The following CFAP58 variants were observed in gnomAD, a reference collection of about 807,000 sequenced individuals.
CFAP58 encodes the protein cilia- and flagella-associated protein 58.
CFAP58 carries 88 observed loss-of-function variants against 119.5 expected under a neutral mutation model. That is an observed-to-expected ratio of 0.74 (90% confidence interval 0.62 to 0.88). The LOEUF (loss-of-function observed/expected upper bound fraction) is 0.88. CFAP58 is among the 40% of genes least tolerant of loss of function. The pLI is 0.00. For synonymous variants in CFAP58, 365 were observed against 366.3 expected (o/e 1.00, Z 0.04); for missense variants, 990 against 1,021.2 (o/e 0.97, Z 0.42).
chr10:104,389,156 G>A (rs2011984189), intron 9 of CFAP58, among the ~76,000 whole-genome samples: 1 of 152,086 alleles, frequency 6.6e-6, no homozygotes, highest in Non-Finnish European at 1.5e-5. Context: ...ACTTTGGCCT[G>A]AATGATTTCC....
chr10:104,442,512 C>T (rs773593347), intron 15 of CFAP58, among the ~76,000 whole-genome samples: 14 of 150,458 alleles, frequency 9.3e-5, no homozygotes, highest in African/African-American at 2.0e-4. Context: ...CTCTTGAACC[C>T]GCGAGGTGGA....
rs150870458 is a variant in CFAP58, at chr10:104,420,854, G to A, written c.2256+14061G>A. On this transcript the variant is annotated intron_variant, in intron 15 of 17. Coordinates refer to ENST00000369704, the MANE Select transcript of CFAP58 (RefSeq NM_001008723.2). ...TGCAGCCTCAAGTTCCTGGGCTCAG[G>A]TGATCCTCCCACCTCAGCCTCCTGA... Among the ~76,000 whole-genome samples the A allele has an allele frequency of 1.4e-3, 218 of 151,286 alleles. 4 individuals are homozygous for A. In the East Asian group the frequency reaches 0.035, roughly 24 times the overall value.
At chr10:104,348,664 G>T in the CFAP58 span, among the ~76,000 whole-genome samples, 1 of 152,186 alleles carries the variant, frequency 6.6e-6, no homozygotes, top group Non-Finnish European at 1.5e-5. Context: ...GCCTAAAGCA[G>T]GATTTTTGGA....
rs763853481 is a variant in CFAP58 at position 104,454,442 on chromosome 10, T to G, written c.2531T>G (p.Met844Arg). The G allele has an allele frequency of 1.2e-6, 2 of 1,613,492 alleles. No homozygotes were observed. The highest frequency in any genetic ancestry group is 1.7e-6 in the Non-Finnish European group (2 of 1,179,666). The change falls in exon 18 of 18, where the codon ATG becomes AGG. Residue 844 changes from methionine to arginine, a missense_variant. Coordinates refer to ENST00000369704, the MANE Select transcript of CFAP58 (RefSeq NM_001008723.2). ...QLQKNKDTAP[M>R]DNTFLMVKPN... ...TACAGAAACAAGGACACAGCACCCATGGATAACACCTTCTTAATGGTCAAA... is the reference window on the plus strand; with the variant it reads ...TACAGAAACAAGGACACAGCACCCAGGGATAACACCTTCTTAATGGTCAAA...
chr10:104,394,985 ATC>A (rs1564890557), intron 11 of CFAP58, among the ~76,000 whole-genome samples: 2 of 152,184 alleles, frequency 1.3e-5, no homozygotes, highest in East Asian at 3.9e-4. Flanking sequence ...TTGGTGCATC[ATC>A]TCTTTCCCTT....
intron 15 of CFAP58, among the ~76,000 whole-genome samples, chr10:104,429,670 A>G (rs2012811161): frequency 6.6e-6 from 1 of 152,154 alleles, no homozygotes; most frequent in Admixed American, 6.5e-5. Context: ...TCTCACCCAA[A>G]TTCGCTTTCT....
At chr10:104,370,123 G>A (rs1485798518) in intron 6 of CFAP58, among the ~76,000 whole-genome samples, 4 of 152,170 alleles carry the variant, frequency 2.6e-5, no homozygotes, top group Non-Finnish European at 4.4e-5. Context: ...GTCCAAAAGA[G>A]TGTTTGAATA....
Position 104,358,610 on chromosome 10 carries a change from A to T in CFAP58, c.279A>T (p.Ala93=), listed in dbSNP as rs1443598656. 6 of 1,609,304 alleles carry T rather than the reference A, an allele frequency of 3.7e-6. No homozygotes were observed. The highest frequency in any genetic ancestry group is 4.2e-6 in the Non-Finnish European group (5 of 1,177,066). ...CTCAGGATGATCAGACCACCATTGCATCCCTAAAGAAGGTCAGTGATCTTC... is the reference window on the plus strand; with the variant it reads ...CTCAGGATGATCAGACCACCATTGCTTCCCTAAAGAAGGTCAGTGATCTTC... The part of the protein sequence containing the change: ...KLSQDDQTTI[A]SLKKEIEKAW... The change falls in exon 2 of 18, where the codon GCA becomes GCT. Residue 93 remains alanine (A), a synonymous_variant. Coordinates refer to ENST00000369704, the MANE Select transcript of CFAP58 (RefSeq NM_001008723.2).
chr10:104,406,597 G>C, intron 14 of CFAP58, 92 bp from the exon 15 acceptor site: 1 of 1,001,738 alleles, frequency 1.0e-6, no homozygotes, highest in Non-Finnish European at 1.5e-6. Context: ...GTTTGCAACA[G>C]ATTTTAATAA....
chr10:104,368,017 G>A (rs915836507), intron 5 of CFAP58, among the ~76,000 whole-genome samples: 2 of 152,252 alleles, frequency 1.3e-5, no homozygotes, highest in Non-Finnish European at 2.9e-5. Flanking sequence ...TGCAGGATTT[G>A]CTTCTGAAGA....
intron 7 of CFAP58, among the ~76,000 whole-genome samples, chr10:104,371,928 G>A (rs1195922153): frequency 6.6e-6 from 1 of 152,178 alleles, no homozygotes; most frequent in Non-Finnish European, 1.5e-5. Context: ...GTGGCTGTAA[G>A]TTGTCAATCA....
In CFAP58 at chr10:104,380,117, T is replaced by C. The variant is rs2011753944; in HGVS notation, c.1262T>C (p.Ile421Thr). 2 of 1,613,822 alleles carry C rather than the reference T, an allele frequency of 1.2e-6. No individual in the cohort carries two copies. The highest frequency in any genetic ancestry group is 1.7e-5 in the Admixed American group (1 of 59,962). ...EQAKRNLEGE[I>T]QNYKDEAQKQ... is the part of the protein sequence containing the mutation. ...GCCAAGAGGAACCTGGAGGGAGAAA[T>C]CCAGAACTACAAGGATGAGGCTCAG... Residue 421 changes from isoleucine (I) to threonine (T), a missense_variant, in exon 9 of 18, where the codon ATC becomes ACC. Physicochemically the swap from Ile to Thr is moderately conservative, Grantham distance 89. Coordinates refer to ENST00000369704, the MANE Select transcript of CFAP58 (RefSeq NM_001008723.2).
intron 15 of CFAP58, among the ~76,000 whole-genome samples, chr10:104,435,139 G>A (rs745556589): frequency 6.6e-6 from 1 of 152,136 alleles, no homozygotes; most frequent in Non-Finnish European, 1.5e-5. Flanking sequence ...CGTGTTTTGT[G>A]GATAGATGGT....
chr10:104,436,483 G>T (rs538226684), intron 15 of CFAP58, among the ~76,000 whole-genome samples: 5 of 152,156 alleles, frequency 3.3e-5, no homozygotes, highest in South Asian at 4.2e-4. Flanking sequence ...AGCTTCTGGG[G>T]AGGCCTCAGC....
At position 104,358,472 on chromosome 10, in the gene CFAP58, T is replaced by G. The variant is rs1435306028; in HGVS notation, c.141T>G (p.His47Gln). ...EKFRIEYERL[H>Q]AVMKKSYDNE... is the part of the protein sequence containing the mutation. ...TTCGGATTGAATATGAGAGGCTTCA[T>G]GCTGTCATGAAAAAGTCTTATGACA... Residue 47 changes from histidine to glutamine, a missense_variant, in exon 2 of 18, where the codon CAT becomes CAG. Transcript: ENST00000369704. 1 of 1,614,098 alleles carries G rather than the reference T, an allele frequency of 6.2e-7. No individual in the cohort carries two copies. Among genetic ancestry groups the G allele is most frequent in the Non-Finnish European group, 8.5e-7 (1 of 1,180,016 alleles).
At chr10:104,396,208 A>G (rs1438680036) in intron 11 of CFAP58, among the ~76,000 whole-genome samples, 1 of 152,002 alleles carries the variant, frequency 6.6e-6, no homozygotes, top group East Asian at 1.9e-4. Context: ...CTTTCCAATC[A>G]TCCTACATGT....
intron 10 of CFAP58, among the ~76,000 whole-genome samples, chr10:104,393,105 A>G (rs2012081895): frequency 6.6e-6 from 1 of 152,184 alleles, no homozygotes; most frequent in Non-Finnish European, 1.5e-5. Context: ...GATGTTCATT[A>G]TGCATATTTT....
At chr10:104,353,015 AG>A (rs2014482375), upstream of CFAP58, 2 of 152,198 alleles carry the variant, frequency 1.3e-5, no homozygotes, top group South Asian at 2.1e-4. Flanking sequence ...GGTTGAGGAT[AG>A]GGGTTGGGAG....
Position 104,454,735 on chromosome 10 carries a change from C to A in CFAP58, c.*205C>A, listed in dbSNP as rs773537456. 3.7e-6 allele frequency: 2 copies of A among 535,748 alleles called. No individual in the cohort carries two copies. The highest frequency in any genetic ancestry group is 6.6e-6 in the Non-Finnish European group (2 of 303,524). 33.2% of individuals were successfully genotyped at this position (535,748 alleles called of 1,614,324 possible). A position where few individuals can be genotyped will look rare whatever the true frequency, so the allele number is the denominator to read the frequency against. ...TGATATTAACAGATCATAATTCTCTCTGTTCAGTTAGGCTGACCTATTGCA... is the reference window on the plus strand; with the variant it reads ...TGATATTAACAGATCATAATTCTCTATGTTCAGTTAGGCTGACCTATTGCA... On this transcript the variant is annotated 3_prime_UTR_variant, in exon 18 of 18. Transcript: ENST00000369704.
Sources: gnomAD v4.1 joint callset for allele counts (sites outside exome capture counted in the v4.1 genomes callset) on GRCh38, gnomAD v4.1.1 for gene constraint, MANE v1.5 for transcripts, NCBI Gene and HGNC (gene_info 2026-07-23, HGNC 2026-07-21) for gene names.